The following MED26 variants were observed in gnomAD, a reference collection of about 807,000 sequenced individuals.
MED26 encodes the protein mediator of RNA polymerase II transcription subunit 26.
Under a neutral mutation model 43.7 loss-of-function variants are expected in MED26, and 7 were observed. The observed-to-expected ratio is 0.16, with a 90% confidence interval of 0.09 to 0.30. The LOEUF is 0.30. Ranked by LOEUF, MED26 falls within the 10% of genes least tolerant of loss-of-function variation. The pLI, the probability that MED26 is intolerant of heterozygous loss-of-function variation, is 1.00. For missense variants in MED26, 784 were observed against 840.6 expected, an observed-to-expected ratio of 0.93 and a Z score of 0.83; for synonymous variants, 375 against 371.1, an observed-to-expected ratio of 1.01 and a Z score of -0.12.
Position 16,577,703 on chromosome 19 carries a change from T to C in MED26, c.148-21A>G. 2 of 1,537,072 alleles carry C rather than the reference T, an allele frequency of 1.3e-6. No individual in the cohort carries two copies. The highest frequency in any genetic ancestry group is 1.4e-5 in the African/African-American group (1 of 72,292). On this transcript the variant is annotated intron_variant, in intron 2 of 2. Coordinates refer to ENST00000263390, the MANE Select transcript of MED26 (RefSeq NM_004831.5). This position sits in a 1 kb window ranked among gnomAD's most constrained non-coding sequence, Gnocchi z 8.1. ...GTTTCCTACAACCAGAGGGAGATGA[T>C]GACATACTTTCGGGACAGGAACTTC...
chr19:16,614,455 G>T (rs1280793918), intron 1 of MED26, among the ~76,000 whole-genome samples: 1 of 152,044 alleles, frequency 6.6e-6, no homozygotes, highest in Non-Finnish European at 1.5e-5. Flanking sequence ...CTTGAGCCGG[G>T]GACGTAGAGG....
intron 1 of MED26, among the ~76,000 whole-genome samples, chr19:16,598,655 T>C (rs2086133969): frequency 1.3e-5 from 2 of 152,176 alleles, no homozygotes; most frequent in African/African-American, 2.4e-5. Context: ...GCACACCCTC[T>C]GACAAGTTCC....
rs1159226231 is a variant in MED26, at chr19:16,575,926, C to G, written c.*101G>C. The stretch of plus-strand genomic sequence containing the variant: ...CCGCCTGGGCCGGACTCCCCGAGTT[C>G]CCAGCGCAGGAGGCAGCTGGGCCCC... On this transcript the variant is annotated 3_prime_UTR_variant, in exon 3 of 3. Transcript: ENST00000263390. The G allele has an allele frequency of 7.3e-6, 7 of 960,538 alleles. No individual in the cohort carries two copies. The East Asian group carries it at 1.2e-4, about 17-fold the overall frequency. 59.5% of individuals were successfully genotyped at this position (960,538 alleles called of 1,614,324 possible).
chr19:16,576,722 C>G lies in MED26; in HGVS notation c.1108G>C (p.Ala370Pro), dbSNP rs1161946420. 4 of 1,612,056 alleles carry G rather than the reference C, an allele frequency of 2.5e-6. No homozygotes were observed. Among genetic ancestry groups the G allele is most frequent in the Non-Finnish European group, 3.4e-6 (4 of 1,179,938 alleles). The part of the protein sequence containing the change: ...LSPAEPLLSR[A>P]GFSPDSSKAD... Reference sequence around the variant, plus strand: ...TTGGAGGAGTCTGGGGAAAAGCCTGCCCGGGACAGGAGGGGCTCGGCTGGG... The same window carrying G: ...TTGGAGGAGTCTGGGGAAAAGCCTGGCCGGGACAGGAGGGGCTCGGCTGGG... Residue 370 changes from alanine to proline, a missense_variant, in exon 3 of 3, where the codon GCA becomes CCA. This residue lies in a region of MED26 where 719 missense variants were observed against 730.9 expected (regional missense o/e 0.98). Coordinates refer to ENST00000263390, the MANE Select transcript of MED26 (RefSeq NM_004831.5). The surrounding 1 kb of genome is among the most constrained non-coding windows in gnomAD (Gnocchi z 6.8).
At chr19:16,593,892 T>C (rs111468999) in intron 1 of MED26, among the ~76,000 whole-genome samples, 1 of 152,192 alleles carries the variant, frequency 6.6e-6, no homozygotes, top group Admixed American at 6.5e-5. Flanking sequence ...CAAACATGTT[T>C]GCTCAGCAAG....
At chr19:16,609,997 C>A (rs1370794218) in intron 1 of MED26, among the ~76,000 whole-genome samples, 2 of 150,196 alleles carry the variant, frequency 1.3e-5, no homozygotes, top group Non-Finnish European at 2.9e-5. Context: ...GTTATTCAAG[C>A]CGGGTGTGGT....
intron 1 of MED26, chr19:16,624,809 G>A (rs1294830584): frequency 2.6e-5 from 4 of 152,242 alleles, no homozygotes; most frequent in African/African-American, 9.7e-5. Context: ...ACAGGTCCAA[G>A]ATGGATGCTA....
chr19:16,622,576 C>T (rs1008327023), intron 1 of MED26, among the ~76,000 whole-genome samples: 1 of 152,202 alleles, frequency 6.6e-6, no homozygotes, highest in Non-Finnish European at 1.5e-5. Flanking sequence ...TGAAAAGCGG[C>T]TGTTTTGGAA....
Position 16,577,222 on chromosome 19 carries a change from C to T in MED26, c.608G>A (p.Gly203Asp), listed in dbSNP as rs1329038730. The T allele has an allele frequency of 6.2e-7, 1 of 1,613,172 alleles. No individual in the cohort carries two copies. The highest frequency in any genetic ancestry group is 1.7e-5 in the Admixed American group (1 of 60,028). Residue 203 changes from glycine to aspartate, a missense_variant, in exon 3 of 3, where the codon GGC (glycine) becomes GAC (aspartate). Physicochemically the swap from Gly to Asp is moderately conservative, Grantham distance 94. Coordinates refer to ENST00000263390, the MANE Select transcript of MED26 (RefSeq NM_004831.5). This position sits in a 1 kb window ranked among gnomAD's most constrained non-coding sequence, Gnocchi z 8.1. ...ASSLDGSGHAGPEGSRLERDE... is the reference protein window; with the variant it reads ...ASSLDGSGHADPEGSRLERDE... ...ACGCTCCAGGCGGCTGCCCTCTGGG[C>T]CTGCATGCCCACTGCCATCCAGGGA... is the stretch of plus-strand genomic sequence containing the variant.
At chr19:16,604,421 G>T (rs994519044) in intron 1 of MED26, among the ~76,000 whole-genome samples, 1 of 152,232 alleles carries the variant, frequency 6.6e-6, no homozygotes, top group African/African-American at 2.4e-5. Flanking sequence ...AAAGGAAGAC[G>T]TATTTATTGC....
At chr19:16,609,011 C>T (rs1028157959) in intron 1 of MED26, among the ~76,000 whole-genome samples, 1 of 152,132 alleles carries the variant, frequency 6.6e-6, no homozygotes, top group Non-Finnish European at 1.5e-5. Flanking sequence ...TCACTTGACT[C>T]ATTAATACAA....
intron 2 of MED26, 123 bp downstream of exon 2, chr19:16,578,212 C>A: frequency 1.1e-6 from 1 of 926,500 alleles, no homozygotes; most frequent in Non-Finnish European, 1.8e-6. Context: ...TGAGGGCACA[C>A]CGCCTCTCTT....
At chr19:16,611,509 G>C (rs1399494129) in intron 1 of MED26, 2 of 152,126 alleles carry the variant, frequency 1.3e-5, no homozygotes, top group East Asian at 1.9e-4. Flanking sequence ...CTTCAGGCTA[G>C]AGCAGCCTAC....
At chr19:16,601,188 A>C (rs1335298558) in intron 1 of MED26, among the ~76,000 whole-genome samples, 1 of 146,632 alleles carries the variant, frequency 6.8e-6, no homozygotes, top group Non-Finnish European at 1.5e-5. Flanking sequence ...ACAGAGTTTC[A>C]CTCGTTTCCC....
chr19:16,621,460 C>T lies in MED26; in HGVS notation c.72+6412G>A, dbSNP rs540925319. Among the ~76,000 whole-genome samples, 47 of 152,340 alleles carry T rather than the reference C, an allele frequency of 3.1e-4. 1 individual carries two copies. The South Asian group carries it at 9.3e-3, about 30-fold the overall frequency. The stretch of plus-strand genomic sequence containing the variant: ...ATGCAGGGGAAACCTGATGAGCCCC[C>T]TGACGTTTTCCAAGATTCATTTTCC... On this transcript the variant is annotated intron_variant, in intron 1 of 2. Coordinates refer to ENST00000263390, the MANE Select transcript of MED26 (RefSeq NM_004831.5).
At chr19:16,620,464 A>T (rs998347118) in intron 1 of MED26, among the ~76,000 whole-genome samples, 1 of 152,250 alleles carries the variant, frequency 6.6e-6, no homozygotes, top group Non-Finnish European at 1.5e-5. Flanking sequence ...AGTAACGCTG[A>T]CAGCCATTCC....
chr19:16,599,480 A>G (rs1312059570), intron 1 of MED26, among the ~76,000 whole-genome samples: 48 of 152,182 alleles, frequency 3.2e-4, no homozygotes, highest in Admixed American at 3.1e-3. Context: ...GATGTGCAGG[A>G]CCCAGGAACA....
chr19:16,618,717 C>G (rs1270309539), intron 1 of MED26, among the ~76,000 whole-genome samples: 1 of 152,210 alleles, frequency 6.6e-6, no homozygotes, highest in Non-Finnish European at 1.5e-5. Flanking sequence ...TTAACAGGAC[C>G]TTGATGTCTC....
Position 16,576,682 on chromosome 19 carries a change from G to C in MED26, c.1148C>G (p.Ala383Gly). Residue 383 changes from alanine (A) to glycine (G), a missense_variant, in exon 3 of 3, where the codon GCT (alanine) becomes GGT (glycine). Ala to Gly is a moderately conservative substitution (Grantham distance 60). Around this residue, in one of 3 missense-constraint regions of MED26, gnomAD observed 719 missense variants for 730.9 expected, o/e 0.98. Transcript: ENST00000263390. The surrounding 1 kb of genome is among the most constrained non-coding windows in gnomAD (Gnocchi z 6.8). ...ACTGTCCGAGCCCCCTGAGGAGGCAGCATCACTGTCCGCCTTGGAGGAGTC... is the reference window on the plus strand; with the variant it reads ...ACTGTCCGAGCCCCCTGAGGAGGCACCATCACTGTCCGCCTTGGAGGAGTC... Reference protein sequence around the residue: ...SPDSSKADSDAASSGGSDSKK... With the variant: ...SPDSSKADSDGASSGGSDSKK... The C allele has an allele frequency of 6.2e-7, 1 of 1,614,024 alleles. No homozygotes were observed. The highest frequency in any genetic ancestry group is 8.5e-7 in the Non-Finnish European group (1 of 1,180,040).
Sources: allele counts gnomAD v4.1 joint callset (sites outside exome capture counted in the v4.1 genomes callset), GRCh38; gene constraint gnomAD v4.1.1; regional missense constraint gnomAD v4.1.1; non-coding constraint Gnocchi (gnomAD v3.1); transcripts MANE v1.5; gene names NCBI Gene and HGNC (gene_info 2026-07-23, HGNC 2026-07-21).